MBNL3: variants seen among roughly 807,000 people sequenced by gnomAD.
MBNL3 encodes muscleblind like splicing regulator 3.
A neutral mutation model predicts 24.5 loss-of-function variants in MBNL3; 6 were observed. The observed-to-expected ratio is 0.25, with a 90% CI of 0.13 to 0.48. MBNL3 has a LOEUF of 0.48. Among genes scored for constraint, MBNL3 ranks in the 20% least tolerant of loss-of-function variants. MBNL3 has a pLI of 0.99. For missense variants in MBNL3, 230 were observed against 293.5 expected (o/e 0.78, Z 1.58); for synonymous variants, 100 against 101.7 (o/e 0.98, Z 0.10).
intron 2 of MBNL3, among the ~76,000 whole-genome samples, chrX:132,408,122 T>C (rs1942150963): frequency 1.8e-5 from 1 of 54,483 alleles, no homozygotes; most frequent in Non-Finnish European, 3.6e-5. Context: ...TTTTTTTTTT[T>C]TTTTTTTTTT....
chrX:132,437,876 A>C, intron 2 of MBNL3: 1 of 588,400 alleles, frequency 1.7e-6, no homozygotes, highest in Non-Finnish European at 2.1e-6. Context: ...AGCAATTCAG[A>C]GATTTTCAAT....
chrX:132,424,465 A>T (rs986130296), intron 2 of MBNL3, among the ~76,000 whole-genome samples: 3 of 111,373 alleles, frequency 2.7e-5, no homozygotes, highest in Non-Finnish European at 5.7e-5. Context: ...TTCCATGGGG[A>T]GAATGAGACT....
chrX:132,408,194 T>C (rs2148294705), intron 2 of MBNL3, among the ~76,000 whole-genome samples: 1 of 93,804 alleles, frequency 1.1e-5, no homozygotes, highest in Non-Finnish European at 2.1e-5. Flanking sequence ...CAGGTCTAAA[T>C]AACTTATTAC....
At chrX:132,403,778 T>A (rs1941340822) in intron 3 of MBNL3, among the ~76,000 whole-genome samples, 1 of 111,406 alleles carries the variant, frequency 9.0e-6, no homozygotes, top group Non-Finnish European at 1.9e-5. Context: ...GCTCTCTGAT[T>A]CCCTGAAACA....
chrX:132,377,866 A>G lies in MBNL3; in HGVS notation c.*1800T>C, dbSNP rs1466416915. On this transcript the variant is annotated 3_prime_UTR_variant, in exon 9 of 9. Transcript: ENST00000370853. ...TATACTTTCTGGTGGAAGAGCGCCTATTTACTAGAAAATATTAAATCTATT... is the reference window on the plus strand; with the variant it reads ...TATACTTTCTGGTGGAAGAGCGCCTGTTTACTAGAAAATATTAAATCTATT... 2 of 109,696 alleles carry G rather than the reference A, an allele frequency of 1.8e-5. No individual in the cohort carries two copies. Among genetic ancestry groups the G allele is most frequent in the African/African-American group, 6.6e-5 (2 of 30,196 alleles). The allele number at this position is 109,696 out of a possible 1,213,427, so 9.0% of individuals were successfully genotyped here.
chrX:132,465,166 T>C (rs1946823459), intron 1 of MBNL3, among the ~76,000 whole-genome samples: 1 of 112,376 alleles, frequency 8.9e-6, no homozygotes, highest in Admixed American at 9.4e-5. Flanking sequence ...ATATACAGGC[T>C]ATCAAAAAGC....
At chrX:132,483,828 T>TA (rs1326340888) in intron 1 of MBNL3, among the ~76,000 whole-genome samples, 1 of 112,158 alleles carries the variant, frequency 8.9e-6, no homozygotes, top group Non-Finnish European at 1.9e-5. Flanking sequence ...TGTATCTTGG[T>TA]AAGTAAAAAC....
chrX:132,475,505 G>A (rs969012615), intron 1 of MBNL3, among the ~76,000 whole-genome samples: 5 of 111,465 alleles, frequency 4.5e-5, no homozygotes, highest in African/African-American at 1.6e-4. Flanking sequence ...TCTATTAGAT[G>A]CCAAAGAGAG....
chrX:132,386,340 T>C (rs1244347260), intron 6 of MBNL3, among the ~76,000 whole-genome samples: 1 of 111,914 alleles, frequency 8.9e-6, no homozygotes, highest in Admixed American at 9.5e-5. Context: ...AGCACTCTAC[T>C]GTCTGTGACA....
At chrX:132,476,401 A>C (rs922643943) in intron 1 of MBNL3, among the ~76,000 whole-genome samples, 3 of 111,842 alleles carry the variant, frequency 2.7e-5, no homozygotes, top group African/African-American at 3.3e-5. Flanking sequence ...ACAGCAATAC[A>C]GCATTTCAAC....
chrX:132,435,325 G>C (rs1387242788), intron 2 of MBNL3, among the ~76,000 whole-genome samples: 4 of 111,462 alleles, frequency 3.6e-5, no homozygotes, highest in African/African-American at 6.5e-5. Flanking sequence ...TATTTTCCTT[G>C]ACTCTCAAGA....
chrX:132,388,434 T>C (rs1336804500), intron 5 of MBNL3, among the ~76,000 whole-genome samples: 1 of 112,406 alleles, frequency 8.9e-6, no homozygotes, highest in African/African-American at 3.2e-5. Flanking sequence ...TATCTGGTTG[T>C]TAAAAAGATT....
intron 5 of MBNL3, among the ~76,000 whole-genome samples, chrX:132,390,481 C>T (rs1937020221): frequency 9.1e-6 from 1 of 109,918 alleles, no homozygotes; most frequent in South Asian, 3.9e-4. Flanking sequence ...GCAAAGGGCC[C>T]ATGAAAGTGG....
intron 1 of MBNL3, among the ~76,000 whole-genome samples, chrX:132,446,341 T>A (rs775218648): frequency 5.4e-5 from 6 of 111,954 alleles, no homozygotes; most frequent in Non-Finnish European, 1.1e-4. Flanking sequence ...AAATGGTATT[T>A]CTGGTTCTAG....
chrX:132,408,092 CTTTTTTTTTTTTTTTTTTTTTTTTTTT>C lies in MBNL3; in HGVS notation c.178-1727_178-1701del, dbSNP rs60044820. On this transcript the variant is annotated intron_variant, in intron 2 of 8. Coordinates refer to ENST00000370853, the MANE Select transcript of MBNL3 (RefSeq NM_001386889.1). Reference sequence around the variant, plus strand: ...CCTGACCTCTCTTCTGAATTTCAGTCTTTTTTTTTTTTTTTTTTTTTTTTTTTTTTTTTTTTTTTTTTTTTTTTTTTT... The same window carrying C: ...CCTGACCTCTCTTCTGAATTTCAGTCTTTTTTTTTTTTTTTTTTTTTTTTT... Among the ~76,000 whole-genome samples, 196 of 22,549 alleles carry C rather than the reference CTTTTTTTTTTTTTTTTTTTTTTTTTTT, an allele frequency of 8.7e-3. 1 individual carries two copies. Among genetic ancestry groups the C allele is most frequent in the East Asian group, 0.028 (15 of 538 alleles). 19.6% of individuals were successfully genotyped at this position (22,549 alleles called of 115,157 possible).
intron 3 of MBNL3, among the ~76,000 whole-genome samples, chrX:132,392,857 A>G (rs1443452501): frequency 1.8e-5 from 2 of 111,579 alleles, no homozygotes; most frequent in East Asian, 5.6e-4. Context: ...CCCACTGACA[A>G]TTATGGAACA....
intron 1 of MBNL3, among the ~76,000 whole-genome samples, chrX:132,463,904 T>G (rs1603264531): frequency 1.8e-5 from 2 of 111,992 alleles, no homozygotes; most frequent in East Asian, 5.6e-4. Flanking sequence ...TTAAAAAAGG[T>G]TAAGCCATCA....
intron 1 of MBNL3, among the ~76,000 whole-genome samples, chrX:132,444,096 C>T (rs1309448730): frequency 9.5e-6 from 1 of 105,577 alleles, no homozygotes; most frequent in Non-Finnish European, 1.9e-5. Flanking sequence ...TTAACCTTTT[C>T]TCCCTTATTA....
At position 132,439,649 on chromosome X, in the gene MBNL3, G is replaced by A; in HGVS notation, c.-38C>T. On this transcript the variant is annotated 5_prime_UTR_variant, in exon 2 of 9. Coordinates refer to ENST00000370853, the MANE Select transcript of MBNL3 (RefSeq NM_001386889.1). Reference sequence around the variant, plus strand: ...ATTAAAATCCAATGTACCCTCTTTAGGACAATATTACTGTGGACTATTAAA... The same window carrying A: ...ATTAAAATCCAATGTACCCTCTTTAAGACAATATTACTGTGGACTATTAAA... 1 of 1,152,947 alleles carries A rather than the reference G, an allele frequency of 8.7e-7. No homozygotes were observed.
Sources: allele counts gnomAD v4.1 joint callset (sites outside exome capture counted in the v4.1 genomes callset), GRCh38; gene constraint gnomAD v4.1.1; transcripts MANE v1.5; gene names NCBI Gene and HGNC (gene_info 2026-07-23, HGNC 2026-07-21).